TRAPPC12: variants seen among roughly 807,000 people sequenced by gnomAD.
The protein encoded by TRAPPC12 is trafficking protein particle complex subunit 12, also known as TPR repeat protein 15.
In TRAPPC12, 61 loss-of-function variants were observed where a neutral mutation model predicts 69.2. The observed-to-expected ratio is 0.88, with a 90% confidence interval of 0.72 to 1.09. The LOEUF (loss-of-function observed/expected upper bound fraction) is 1.09. Ranked by LOEUF, TRAPPC12 falls within the 50% of genes least tolerant of loss-of-function variation. The pLI is 0.00. For missense variants in TRAPPC12, 1,101 were observed against 1,016.4 expected (o/e 1.08, Z -1.13); for synonymous variants, 469 against 438.9 (o/e 1.07, Z -0.86).
chr2:3,391,621 C>A (rs905663605), intron 2 of TRAPPC12, among the ~76,000 whole-genome samples: 1 of 152,198 alleles, frequency 6.6e-6, no homozygotes, highest in South Asian at 2.1e-4. Flanking sequence ...TTCTTCTCTA[C>A]CCTCTTAGGC....
chr2:3,478,623 A>G (rs979118578), intron 10 of TRAPPC12: 2 of 483,958 alleles, frequency 4.1e-6, no homozygotes, highest in Admixed American at 3.5e-5. Flanking sequence ...AACGAGAGCA[A>G]AACTCCATCT....
At chr2:3,430,736 T>C (rs1383306262) in intron 5 of TRAPPC12, among the ~76,000 whole-genome samples, 1 of 152,390 alleles carries the variant, frequency 6.6e-6, no homozygotes, top group South Asian at 2.1e-4. Context: ...CACATACTGT[T>C]ATATCAGGAA....
Position 3,388,254 on chromosome 2 carries a change from G to GT in TRAPPC12, c.631_632insT (p.Gly211ValfsTer81). The GT allele has an allele frequency of 6.2e-7, 1 of 1,608,584 alleles. No homozygotes were observed. ...CAGCCCCAGCCTCAGCACGTTCTTC[G>GT]GAGACACGGCCGCCAGCCACTCCTT... On this transcript the variant is annotated frameshift_variant, in exon 2 of 12. Coordinates refer to ENST00000324266, the MANE Select transcript of TRAPPC12 (RefSeq NM_016030.6). LOFTEE classifies it high-confidence loss of function.
At chr2:3,429,745 C>T (rs755020906) in intron 5 of TRAPPC12, among the ~76,000 whole-genome samples, 2 of 152,188 alleles carry the variant, frequency 1.3e-5, no homozygotes, top group Non-Finnish European at 2.9e-5. Flanking sequence ...CCACTACTTC[C>T]GTACCTTATG....
chr2:3,472,757 C>T (rs886822251), intron 9 of TRAPPC12, among the ~76,000 whole-genome samples: 2 of 152,176 alleles, frequency 1.3e-5, no homozygotes, highest in Non-Finnish European at 2.9e-5. Context: ...ACTCTTACAG[C>T]TGCTAAATTA....
chr2:3,387,557 C>T (rs1407798745), intron 1 of TRAPPC12, 63 bp from the exon 2 acceptor site: 9 of 1,264,386 alleles, frequency 7.1e-6, no homozygotes, highest in Non-Finnish European at 9.7e-6. Context: ...AAGCAATACT[C>T]ATTTTTCGGT....
At chr2:3,389,890 C>T in intron 2 of TRAPPC12, 3 of 434,502 alleles carry the variant, frequency 6.9e-6, no homozygotes, top group East Asian at 7.1e-5. Context: ...GTGTGGCTGG[C>T]TCAGGGGCTT....
intron 3 of TRAPPC12, among the ~76,000 whole-genome samples, chr2:3,408,419 G>A (rs962226245): frequency 3.6e-4 from 55 of 152,230 alleles, no homozygotes; most frequent in Non-Finnish European, 6.5e-4. Flanking sequence ...TTGAGCCCAG[G>A]AGTTCAAGAC....
intron 6 of TRAPPC12, among the ~76,000 whole-genome samples, chr2:3,454,203 A>G (rs1285487905): frequency 2.6e-5 from 4 of 152,184 alleles, no homozygotes; most frequent in Non-Finnish European, 5.9e-5. Context: ...TGCTTTTTGC[A>G]GAGGGAGGGG....
At chr2:3,392,780 G>A (rs1660895184) in intron 2 of TRAPPC12, among the ~76,000 whole-genome samples, 2 of 152,292 alleles carry the variant, frequency 1.3e-5, no homozygotes, top group African/African-American at 2.4e-5. Context: ...GGAGGTGCCC[G>A]AAAAAGTTAA....
At position 3,388,534 on chromosome 2, in the gene TRAPPC12, A is replaced by T. The variant is rs778450239; in HGVS notation, c.911A>T (p.Asp304Val). 1 of 1,613,082 alleles carries T rather than the reference A, an allele frequency of 6.2e-7. No individual in the cohort carries two copies. Among genetic ancestry groups the T allele is most frequent in the South Asian group, 1.1e-5 (1 of 91,054 alleles). The change falls in exon 2 of 12, where the codon GAC (aspartate) becomes GTC (valine). Residue 304 changes from aspartate (D) to valine (V), a missense_variant. Asp to Val is a radical substitution (Grantham distance 152). Transcript: ENST00000324266. ...ACCGCCCTGAGCATGAGCGAGATGG[A>T]CCGGAGGAACGACGCCTGGCTTCCC... ...FATALSMSEM[D>V]RRNDAWLPGE...
chr2:3,398,846 CTGGATAAAG>C lies in TRAPPC12; in HGVS notation c.1048-2929_1048-2921del, dbSNP rs1661267037. Among the ~76,000 whole-genome samples, 5 of 152,344 alleles carry C rather than the reference CTGGATAAAG, an allele frequency of 3.3e-5. No individual in the cohort carries two copies. The South Asian group carries it at 1.0e-3, about 32-fold the overall frequency. Reference sequence around the variant, plus strand: ...TCCTTCGTGTTCCCTGAACCTTGCCCTGGATAAAGTAGACCCTCACTGAATGGCTTGCTG... The same window carrying C: ...TCCTTCGTGTTCCCTGAACCTTGCCCTAGACCCTCACTGAATGGCTTGCTG... On this transcript the variant is annotated intron_variant, in intron 2 of 11. Coordinates refer to ENST00000324266, the MANE Select transcript of TRAPPC12 (RefSeq NM_016030.6).
intron 3 of TRAPPC12, among the ~76,000 whole-genome samples, chr2:3,413,287 G>A (rs1662158769): frequency 6.6e-6 from 1 of 152,144 alleles, no homozygotes; most frequent in Non-Finnish European, 1.5e-5. Flanking sequence ...ATATGGTCTT[G>A]GTTTCTTTTA....
intron 9 of TRAPPC12, chr2:3,466,480 T>G: frequency 2.2e-6 from 1 of 446,066 alleles, no homozygotes; most frequent in Admixed American, 2.4e-5. Context: ...CCTGGTTAAG[T>G]GATATCCAGC....
In TRAPPC12 at chr2:3,388,457, G is replaced by C. The variant is rs755724563; in HGVS notation, c.834G>C (p.Glu278Asp). 6.2e-7 allele frequency: 1 copy of C among 1,611,574 alleles called. No homozygotes were observed. The highest frequency in any genetic ancestry group is 1.1e-5 in the South Asian group (1 of 90,798). The change falls in exon 2 of 12, where the codon GAG becomes GAC. Residue 278 changes from glutamate to aspartate, a missense_variant. Transcript: ENST00000324266. ...CAGCTGCGCCCCCGGCGTCGCCAGA[G>C]CCTTTCGCGCACATCCAGGCAGTGT... ...PQAAAPPASP[E>D]PFAHIQAVFA...
At chr2:3,431,407 A>G (rs975981767) in intron 5 of TRAPPC12, among the ~76,000 whole-genome samples, 1 of 152,232 alleles carries the variant, frequency 6.6e-6, no homozygotes, top group African/African-American at 2.4e-5. Flanking sequence ...CGCCGTCGCC[A>G]TGGATGCCAG....
chr2:3,445,647 A>C (rs1664467538), intron 6 of TRAPPC12, among the ~76,000 whole-genome samples: 1 of 152,268 alleles, frequency 6.6e-6, no homozygotes, highest in African/African-American at 2.4e-5. Context: ...AGATGGGGAA[A>C]CTGAGGCACA....
chr2:3,428,340 A>C (rs1157473508), intron 5 of TRAPPC12, among the ~76,000 whole-genome samples: 1 of 152,222 alleles, frequency 6.6e-6, no homozygotes, highest in Non-Finnish European at 1.5e-5. Context: ...GATGTTTACT[A>C]ATTTTTCTTC....
At chr2:3,465,878 C>G in intron 9 of TRAPPC12, 183 bp downstream of exon 9, 1 of 596,196 alleles carries the variant, frequency 1.7e-6, no homozygotes, top group Non-Finnish European at 3.0e-6. Context: ...CTGTGGGAGG[C>G]CCTGCTGGCT....
Sources: gnomAD v4.1 joint callset for allele counts (sites outside exome capture counted in the v4.1 genomes callset) on GRCh38, gnomAD v4.1.1 for gene constraint, MANE v1.5 for transcripts, NCBI Gene and HGNC (gene_info 2026-07-23, HGNC 2026-07-21) for gene names.